FAT1: variants seen among roughly 807,000 people sequenced by gnomAD.
FAT1 encodes the protein protocadherin Fat 1.
FAT1 carries 171 observed loss-of-function variants against 329.8 expected under a neutral mutation model. The ratio of observed to expected loss-of-function variants is 0.52; its 90% CI spans 0.46 to 0.59. The LOEUF (loss-of-function observed/expected upper bound fraction) is 0.59, where lower values mean the gene tolerates loss of function less well. Ranked by LOEUF, FAT1 falls within the 20% of genes least tolerant of loss-of-function variation. The pLI, the probability that FAT1 is intolerant of heterozygous loss-of-function variation, is 0.00. For synonymous variants in FAT1, 2,233 were observed against 2,228.6 expected (o/e 1.00, Z -0.06); for missense variants, 5,672 against 5,774.4 (o/e 0.98, Z 0.57).
intron 3 of FAT1, among the ~76,000 whole-genome samples, chr4:186,660,919 G>A (rs943402960): frequency 2.0e-5 from 3 of 152,068 alleles, no homozygotes; most frequent in Admixed American, 6.6e-5. Flanking sequence ...ATTATGCCCA[G>A]ACCTATGCCA....
chr4:186,723,966 C>A (rs1745605528), upstream of FAT1: 1 of 151,042 alleles, frequency 6.6e-6, no homozygotes, highest in Non-Finnish European at 1.5e-5. Context: ...TCTGGGACCG[C>A]GGGCTCGGCC....
chr4:186,614,388 G>A, intron 11 of FAT1, 44 bp from the exon 12 acceptor site: 1 of 1,323,576 alleles, frequency 7.6e-7, no homozygotes, highest in Non-Finnish European at 1.0e-6. Context: ...AGCATTAACA[G>A]GCAGCACAAA....
At chr4:186,652,481 C>G (rs1741712761) in intron 3 of FAT1, among the ~76,000 whole-genome samples, 1 of 152,154 alleles carries the variant, frequency 6.6e-6, no homozygotes, top group Non-Finnish European at 1.5e-5. Flanking sequence ...CAGAAATGTA[C>G]TGAATAACAT....
chr4:186,670,988 G>A (rs780288201), intron 2 of FAT1, among the ~76,000 whole-genome samples: 13 of 152,088 alleles, frequency 8.5e-5, no homozygotes, highest in East Asian at 1.9e-4. Flanking sequence ...TGTCAACAAC[G>A]TGAGAAGCTG....
intron 3 of FAT1, among the ~76,000 whole-genome samples, chr4:186,643,656 C>A (rs1741205147): frequency 6.6e-6 from 1 of 152,118 alleles, no homozygotes; most frequent in African/African-American, 2.4e-5. Context: ...CAGCAATCAA[C>A]CACACTGAGT....
At position 186,604,832 on chromosome 4, in the gene FAT1, G is replaced by A. The variant is rs180900140; in HGVS notation, c.10351-258C>T. The stretch of plus-strand genomic sequence containing the variant: ...GAAAGGGAGTGTGAGGAGGAAGAGG[G>A]AGGAGGGGAAGCAGACACGAGGAGG... On this transcript the variant is annotated intron_variant, in intron 17 of 26. Coordinates refer to ENST00000441802, the MANE Select transcript of FAT1 (RefSeq NM_005245.4). Among the ~76,000 whole-genome samples the A allele has an allele frequency of 0.018, 2,488 of 137,148 alleles. 140 individuals are homozygous for A. The highest frequency in any genetic ancestry group is 0.17 in the East Asian group (854 of 5,064). The allele number at this position is 137,148 out of a possible 152,430, so 90.0% of individuals were successfully genotyped here. A position where few individuals can be genotyped will look rare whatever the true frequency, so the allele number is the denominator to read the frequency against.
At chr4:186,713,963 A>G (rs1745090305) in intron 1 of FAT1, among the ~76,000 whole-genome samples, 1 of 152,218 alleles carries the variant, frequency 6.6e-6, no homozygotes, top group African/African-American at 2.4e-5. Flanking sequence ...CTAGGATTAC[A>G]GGTGTGAGCC....
intron 1 of FAT1, among the ~76,000 whole-genome samples, chr4:186,714,332 G>C (rs148151511): frequency 1.3e-5 from 2 of 152,084 alleles, no homozygotes; most frequent in African/African-American, 4.8e-5. Context: ...GCCAAAGACT[G>C]CTCAGCGTAG....
chr4:186,715,009 C>T (rs114872267), intron 1 of FAT1, among the ~76,000 whole-genome samples: 1,787 of 152,072 alleles, frequency 0.012, 38 homozygotes, highest in African/African-American at 0.041. Flanking sequence ...ACAAGGGAGA[C>T]GGAGGTTGCA....
intron 17 of FAT1, among the ~76,000 whole-genome samples, chr4:186,604,995 G>A (rs1396572767): frequency 6.6e-6 from 1 of 151,868 alleles, no homozygotes; most frequent in Non-Finnish European, 1.5e-5. Context: ...GAGGCGGGCG[G>A]ATCACCTGAG....
chr4:186,593,778 C>T (rs1274507094), intron 26 of FAT1, among the ~76,000 whole-genome samples: 1 of 152,172 alleles, frequency 6.6e-6, no homozygotes, highest in Non-Finnish European at 1.5e-5. Flanking sequence ...GATCGCATGA[C>T]TTAAGCCCTG....
At chr4:186,635,396 A>T (rs1177928153) in intron 6 of FAT1, among the ~76,000 whole-genome samples, 1 of 152,240 alleles carries the variant, frequency 6.6e-6, no homozygotes, top group Non-Finnish European at 1.5e-5. Context: ...TATCTAAACT[A>T]CATGACAAAT....
At chr4:186,605,876 C>T (rs968919296) in intron 17 of FAT1, among the ~76,000 whole-genome samples, 194 bp downstream of exon 17, 3 of 151,998 alleles carry the variant, frequency 2.0e-5, no homozygotes, top group African/African-American at 4.8e-5. Context: ...AAAATCAAAG[C>T]ACGGAAAGGA....
At chr4:186,614,061 A>G in intron 12 of FAT1, 130 bp downstream of exon 12, 1 of 716,074 alleles carries the variant, frequency 1.4e-6, no homozygotes, top group Non-Finnish European at 2.2e-6. Flanking sequence ...AGAGATGTCA[A>G]CTTCGGAGCA....
At chr4:186,686,823 C>T (rs1443267294) in intron 2 of FAT1, among the ~76,000 whole-genome samples, 1 of 152,164 alleles carries the variant, frequency 6.6e-6, no homozygotes, top group African/African-American at 2.4e-5. Context: ...ACTATGGACA[C>T]AGGTGAGTGA....
chr4:186,714,110 G>A (rs1475773336), intron 1 of FAT1, among the ~76,000 whole-genome samples: 1 of 152,162 alleles, frequency 6.6e-6, no homozygotes, highest in Non-Finnish European at 1.5e-5. Flanking sequence ...GGAGTGCCAC[G>A]GTCTCAGTAA....
At chr4:186,601,552 C>T (rs1287216761) in intron 20 of FAT1, 126 bp from the exon 21 acceptor site, 3 of 669,950 alleles carry the variant, frequency 4.5e-6, no homozygotes, top group Middle Eastern at 4.0e-4. Context: ...TTTTACTATC[C>T]AATTCTGTGG....
At chr4:186,641,077 G>T (rs533885294) in intron 3 of FAT1, among the ~76,000 whole-genome samples, 1 of 152,096 alleles carries the variant, frequency 6.6e-6, no homozygotes, top group Non-Finnish European at 1.5e-5. Context: ...ATCACTTAAG[G>T]GATATTCAAC....
chr4:186,600,375 A>G lies in FAT1; in HGVS notation c.11641-15T>C. On this transcript the variant is annotated splice_polypyrimidine_tract_variant and intron_variant, in intron 21 of 26. Transcript: ENST00000441802. ...CCATGATGAATCTAGGATAAAAGCA[A>G]TGACTGTTCACATTACTCTCATAGA... The G allele has an allele frequency of 6.3e-7, 1 of 1,591,886 alleles. No homozygotes were observed. Among genetic ancestry groups the G allele is most frequent in the Non-Finnish European group, 8.6e-7 (1 of 1,166,676 alleles).
Sources: gnomAD v4.1 joint callset for allele counts (sites outside exome capture counted in the v4.1 genomes callset) on GRCh38, gnomAD v4.1.1 for gene constraint, MANE v1.5 for transcripts, NCBI Gene and HGNC (gene_info 2026-07-23, HGNC 2026-07-21) for gene names.